HEPHL1: variants seen among roughly 807,000 people sequenced by gnomAD.
HEPHL1 encodes ferroxidase HEPHL1.
Under a neutral mutation model 122.0 loss-of-function variants are expected in HEPHL1, and 123 were observed. The ratio of observed to expected loss-of-function variants is 1.01; its 90% CI spans 0.87 to 1.17. HEPHL1 has a LOEUF of 1.17. HEPHL1 is among the 50% of genes most tolerant of loss of function. The probability of loss-of-function intolerance (pLI) is 0.00; values close to 1 mark genes in which losing one functional copy is unlikely to be tolerated. For missense variants in HEPHL1, 1,452 were observed against 1,430.5 expected (o/e 1.01, Z -0.24); for synonymous variants, 527 against 508.9 (o/e 1.04, Z -0.48).
At position 94,075,256 on chromosome 11, in the gene HEPHL1, T is replaced by A. The variant is rs1037369331; in HGVS notation, c.1587T>A (p.Thr529=). 1 of 1,613,518 alleles carries A rather than the reference T, an allele frequency of 6.2e-7. No individual in the cohort carries two copies. Among genetic ancestry groups the A allele is most frequent in the Middle Eastern group, 1.7e-4 (1 of 6,058 alleles). Residue 529 remains threonine (T), a synonymous_variant, in exon 9 of 20, where the codon ACT becomes ACA. Transcript: ENST00000315765. ...KWTVPESVSP[T]AGDPPCLTYL... ...CAGTGCCTGAGAGCGTAAGCCCAAC[T>A]GCTGGTGATCCTCCCTGTCTGACCT...
chr11:94,046,022 T>G, intron 2 of HEPHL1, 105 bp downstream of exon 2: 4 of 956,980 alleles, frequency 4.2e-6, no homozygotes, highest in Non-Finnish European at 6.2e-6. Flanking sequence ...ATGGATATAT[T>G]TATCTTCTCT....
intron 1 of HEPHL1, among the ~76,000 whole-genome samples, chr11:94,033,819 G>A (rs1407909586): frequency 6.6e-6 from 1 of 152,106 alleles, no homozygotes; most frequent in Non-Finnish European, 1.5e-5. Flanking sequence ...TGTTTAAAGG[G>A]GTATTGTCTT....
intron 1 of HEPHL1, among the ~76,000 whole-genome samples, chr11:94,043,282 T>C (rs941122302): frequency 6.6e-6 from 1 of 152,036 alleles, no homozygotes; most frequent in African/African-American, 2.4e-5. Context: ...CAGACAGACT[T>C]CCTCCTGTGG....
intron 10 of HEPHL1, among the ~76,000 whole-genome samples, 166 bp downstream of exon 10, chr11:94,082,734 C>G (rs2134439628): frequency 6.6e-6 from 1 of 152,302 alleles, no homozygotes; most frequent in Admixed American, 6.5e-5. Context: ...TGAAACCTCC[C>G]TATCTCTCAG....
At chr11:94,073,520 T>C (rs756114017) in intron 8 of HEPHL1, 81 bp downstream of exon 8, 233 of 1,399,522 alleles carry the variant, frequency 1.7e-4, no homozygotes, top group Non-Finnish European at 2.2e-4. Context: ...GTTCAAATCC[T>C]GGTCCTTTCC....
At chr11:94,026,985 A>G (rs931126560) in intron 1 of HEPHL1, among the ~76,000 whole-genome samples, 2 of 152,050 alleles carry the variant, frequency 1.3e-5, no homozygotes, top group East Asian at 3.9e-4. Flanking sequence ...ACAGCAATTT[A>G]TTCTCCCCCA....
chr11:94,021,983 T>A (rs1456334146), intron 1 of HEPHL1, among the ~76,000 whole-genome samples: 1 of 152,168 alleles, frequency 6.6e-6, no homozygotes, highest in African/African-American at 2.4e-5. Flanking sequence ...CTAAGTCATG[T>A]TTTTCAACGT....
chr11:94,089,460 A>G (rs911015387), intron 12 of HEPHL1, among the ~76,000 whole-genome samples: 31 of 152,308 alleles, frequency 2.0e-4, no homozygotes, highest in African/African-American at 6.7e-4. Context: ...GGATCGGGGT[A>G]GGAAGAACAG....
chr11:94,069,556 A>C (rs1195384625), intron 5 of HEPHL1, among the ~76,000 whole-genome samples: 1 of 152,174 alleles, frequency 6.6e-6, no homozygotes, highest in Non-Finnish European at 1.5e-5. Flanking sequence ...TCAGTCTATT[A>C]ATGCTGCACT....
intron 1 of HEPHL1, among the ~76,000 whole-genome samples, chr11:94,035,897 C>T (rs973346965): frequency 1.6e-4 from 24 of 152,136 alleles, no homozygotes; most frequent in Admixed American, 1.1e-3. Context: ...TTACCACGCC[C>T]GGCTAATTTT....
In HEPHL1 at chr11:94,067,699, G is replaced by A. The variant is rs375642305; in HGVS notation, c.1012G>A (p.Glu338Lys). The A allele has an allele frequency of 2.5e-5, 40 of 1,613,560 alleles. No individual in the cohort carries two copies. The highest frequency in any genetic ancestry group is 1.3e-4 in the African/African-American group (10 of 74,864). ...CTTCCTTACAACAGAAATGATAGCCGAGAATCCTGGGAAGTGGATGATAAC... is the reference window on the plus strand; with the variant it reads ...CTTCCTTACAACAGAAATGATAGCCAAGAATCCTGGGAAGTGGATGATAAC... ...ATFLTTEMIA[E>K]NPGKWMITCQ... is the part of the protein sequence containing the mutation. The change falls in exon 5 of 20, where the codon GAG becomes AAG. Residue 338 changes from glutamate to lysine, a missense_variant. Physicochemically the swap from Glu to Lys is moderately conservative, Grantham distance 56 (BLOSUM62 1). Transcript: ENST00000315765.
intron 2 of HEPHL1, among the ~76,000 whole-genome samples, chr11:94,060,132 A>G (rs1413471559): frequency 3.6e-4 from 10 of 28,102 alleles, no homozygotes; most frequent in African/African-American, 6.8e-4. Context: ...ATATATATAT[A>G]TATATATATA....
chr11:94,082,167 G>A (rs1377728626), intron 9 of HEPHL1, among the ~76,000 whole-genome samples: 1 of 152,230 alleles, frequency 6.6e-6, no homozygotes, highest in East Asian at 1.9e-4. Context: ...GGCCAAAAGA[G>A]TAGAAAGCCT....
intron 2 of HEPHL1, among the ~76,000 whole-genome samples, chr11:94,062,851 G>T (rs139418245): frequency 4.7e-4 from 72 of 152,230 alleles, no homozygotes; most frequent in African/African-American, 1.3e-3. Flanking sequence ...AGAGTAAGGG[G>T]CTGTTCTGCC....
chr11:94,111,496 T>G, intron 18 of HEPHL1, 41 bp from the exon 19 acceptor site: 1 of 1,461,512 alleles, frequency 6.8e-7, no homozygotes, highest in Non-Finnish European at 9.4e-7. Context: ...AGAATCCCCT[T>G]CTGTTGTTAA....
intron 1 of HEPHL1, among the ~76,000 whole-genome samples, chr11:94,033,860 T>A (rs2134406455): frequency 6.6e-6 from 1 of 152,286 alleles, no homozygotes; most frequent in Non-Finnish European, 1.5e-5. Context: ...GATGTGCATA[T>A]CTCACTGTAA....
At chr11:94,026,023 G>A (rs1565342637) in intron 1 of HEPHL1, among the ~76,000 whole-genome samples, 1 of 152,162 alleles carries the variant, frequency 6.6e-6, no homozygotes, top group Non-Finnish European at 1.5e-5. Context: ...GAAGAATCCA[G>A]AAGTGGGCAG....
rs764585109 is a variant in HEPHL1, at chr11:94,088,886, G to T, written c.2212G>T (p.Ala738Ser). The T allele has an allele frequency of 1.2e-6, 2 of 1,613,972 alleles. No homozygotes were observed. The highest frequency in any genetic ancestry group is 1.7e-6 in the Non-Finnish European group (2 of 1,179,876). The change falls in exon 12 of 20, where the codon GCC becomes TCC. Residue 738 changes from alanine (A) to serine (S), a missense_variant. Ala to Ser is a moderately conservative substitution (Grantham distance 99). Transcript: ENST00000315765. ...CGGGATGATAAGAACTTTTTACATCGCCGCTGAAGAAGTAGAATGGGATTA... is the reference window on the plus strand; with the variant it reads ...CGGGATGATAAGAACTTTTTACATCTCCGCTGAAGAAGTAGAATGGGATTA... ...RYGMIRTFYI[A>S]AEEVEWDYAP...
intron 5 of HEPHL1, among the ~76,000 whole-genome samples, chr11:94,069,169 G>A (rs1008495956): frequency 6.6e-6 from 1 of 152,192 alleles, no homozygotes; most frequent in African/African-American, 2.4e-5. Flanking sequence ...CGCTAAATTA[G>A]CCCGATAGTT....
Sources: gnomAD v4.1 joint callset for allele counts (sites outside exome capture counted in the v4.1 genomes callset) on GRCh38, gnomAD v4.1.1 for gene constraint, MANE v1.5 for transcripts, NCBI Gene and HGNC (gene_info 2026-07-23, HGNC 2026-07-21) for gene names.